TANC2: variants seen among roughly 807,000 people sequenced by gnomAD.
The protein encoded by TANC2 is tetratricopeptide repeat, ankyrin repeat and coiled-coil containing 2.
In TANC2, 26 loss-of-function variants were observed where a neutral mutation model predicts 210.5. The observed-to-expected ratio is 0.12, with a 90% CI of 0.09 to 0.17. The LOEUF (loss-of-function observed/expected upper bound fraction) is 0.17, where lower values mean the gene tolerates loss of function less well. TANC2 is among the 10% of genes least tolerant of loss of function. The pLI is 1.00. For synonymous variants in TANC2, 931 were observed against 967.1 expected (o/e 0.96, Z 0.69); for missense variants, 2,129 against 2,608.9 (o/e 0.82, Z 4.01).
At chr17:63,405,017 A>G in intron 19 of TANC2, 105 bp from the exon 20 acceptor site, 1 of 1,278,454 alleles carries the variant, frequency 7.8e-7, no homozygotes. Context: ...TCTTAGAAGT[A>G]AAGTAGCAAT....
At chr17:63,144,066 C>T (rs55749812) in intron 4 of TANC2, among the ~76,000 whole-genome samples, 1,783 of 152,252 alleles carry the variant, frequency 0.012, 35 homozygotes, top group African/African-American at 0.041. Flanking sequence ...ATTTTCTCCA[C>T]ACTTAGCTCT....
intron 12 of TANC2, among the ~76,000 whole-genome samples, chr17:63,347,426 T>C (rs1175234876): frequency 6.6e-6 from 1 of 152,206 alleles, no homozygotes; most frequent in African/African-American, 2.4e-5. Context: ...TGAGTACATA[T>C]AGCTGTCAAA....
At chr17:63,245,280 G>C (rs1350671326) in intron 8 of TANC2, among the ~76,000 whole-genome samples, 2 of 151,948 alleles carry the variant, frequency 1.3e-5, no homozygotes, top group Non-Finnish European at 2.9e-5. Context: ...AAAAATTTTT[G>C]AAATTCATCC....
At chr17:62,992,032 C>T (rs1004673847) in intron 1 of TANC2, among the ~76,000 whole-genome samples, 6 of 152,070 alleles carry the variant, frequency 3.9e-5, no homozygotes, top group Non-Finnish European at 8.8e-5. Context: ...AATATAGATA[C>T]GTATTTACAT....
chr17:63,224,758 A>G (rs2145960390), intron 7 of TANC2, among the ~76,000 whole-genome samples: 1 of 152,256 alleles, frequency 6.6e-6, no homozygotes, highest in African/African-American at 2.4e-5. Context: ...TAGTGAAAGG[A>G]GTGTCCATTA....
chr17:63,269,479 A>G (rs1396229052), intron 9 of TANC2, among the ~76,000 whole-genome samples: 2 of 152,188 alleles, frequency 1.3e-5, no homozygotes, highest in African/African-American at 4.8e-5. Flanking sequence ...GGACCTTCAG[A>G]TTTGATTGAA....
intron 8 of TANC2, among the ~76,000 whole-genome samples, chr17:63,251,532 T>C (rs2043053029): frequency 6.6e-6 from 1 of 152,008 alleles, no homozygotes; most frequent in South Asian, 2.1e-4. Flanking sequence ...TTGAAAATGA[T>C]GAAGCAAAGA....
intron 1 of TANC2, among the ~76,000 whole-genome samples, chr17:63,006,309 A>AG (rs2033624695): frequency 6.7e-6 from 1 of 150,246 alleles, no homozygotes; most frequent in Non-Finnish European, 1.5e-5. Context: ...ACTTTCTTTG[A>AG]GTTTTTATTT....
At chr17:63,370,161 A>G (rs957910801) in intron 14 of TANC2, among the ~76,000 whole-genome samples, 2 of 150,278 alleles carry the variant, frequency 1.3e-5, no homozygotes, top group East Asian at 1.9e-4. Flanking sequence ...ACAGTTCCTT[A>G]GTCCTCCTTT....
At chr17:63,289,588 T>A (rs370952588) in intron 9 of TANC2, among the ~76,000 whole-genome samples, 1 of 152,348 alleles carries the variant, frequency 6.6e-6, no homozygotes, top group South Asian at 2.1e-4. Context: ...CATTACCCAC[T>A]ATTGTTGCAT....
chr17:63,362,212 G>A (rs2046982791), intron 14 of TANC2, among the ~76,000 whole-genome samples: 1 of 152,228 alleles, frequency 6.6e-6, no homozygotes, highest in South Asian at 2.1e-4. Context: ...CATGGAGTGG[G>A]TAGCTCCTAT....
intron 11 of TANC2, among the ~76,000 whole-genome samples, chr17:63,319,538 A>G (rs888193312): frequency 6.6e-6 from 1 of 152,096 alleles, no homozygotes; most frequent in African/African-American, 2.4e-5. Context: ...TTTAGTAGAG[A>G]CGGGGTTTTG....
intron 7 of TANC2, among the ~76,000 whole-genome samples, chr17:63,226,801 G>A (rs2042339642): frequency 6.6e-6 from 1 of 151,972 alleles, no homozygotes; most frequent in South Asian, 2.1e-4. Flanking sequence ...CCCTCCTTGT[G>A]TCCATATGTT....
chr17:63,008,214 G>A (rs1456199122), intron 1 of TANC2, among the ~76,000 whole-genome samples: 1 of 151,768 alleles, frequency 6.6e-6, no homozygotes, highest in African/African-American at 2.4e-5. Flanking sequence ...TTCAGATATG[G>A]CTTCATGTCT....
intron 1 of TANC2, among the ~76,000 whole-genome samples, chr17:62,995,949 C>A (rs1267041442): frequency 6.6e-6 from 1 of 152,134 alleles, no homozygotes; most frequent in Non-Finnish European, 1.5e-5. Context: ...AAAGTTATGT[C>A]CTAGAATATA....
At chr17:63,317,439 C>T (rs1003499876) in intron 10 of TANC2, among the ~76,000 whole-genome samples, 3 of 151,960 alleles carry the variant, frequency 2.0e-5, no homozygotes, top group African/African-American at 4.8e-5. Context: ...ACCACCACCA[C>T]CATTATCCAC....
chr17:63,416,376 A>G (rs865864748), intron 26 of TANC2, among the ~76,000 whole-genome samples: 2 of 152,230 alleles, frequency 1.3e-5, no homozygotes, highest in South Asian at 4.1e-4. Context: ...AGATTGTGTC[A>G]GGAGTCTCTG....
At chr17:63,302,133 T>C (rs766351251) in intron 9 of TANC2, among the ~76,000 whole-genome samples, 8 of 152,114 alleles carry the variant, frequency 5.3e-5, no homozygotes, top group Non-Finnish European at 1.0e-4. Flanking sequence ...TGCACTGTGG[T>C]CTGAGAAACT....
At chr17:63,110,432 G>A (rs1229631029) in intron 4 of TANC2, among the ~76,000 whole-genome samples, 1 of 151,624 alleles carries the variant, frequency 6.6e-6, no homozygotes, top group Non-Finnish European at 1.5e-5. Context: ...GTTGCTATAA[G>A]AAAAAACCTC....
Sources: gnomAD v4.1 joint callset for allele counts (sites outside exome capture counted in the v4.1 genomes callset) on GRCh38, gnomAD v4.1.1 for gene constraint, MANE v1.5 for transcripts, NCBI Gene and HGNC (gene_info 2026-07-23, HGNC 2026-07-21) for gene names.